Variants in NTN4 observed in about 807,000 individuals in gnomAD.
The protein encoded by NTN4 is netrin-4.
NTN4 carries 32 observed loss-of-function variants against 73.6 expected under a neutral mutation model. That is an observed-to-expected ratio of 0.44 (90% CI 0.33 to 0.58). NTN4 has a LOEUF of 0.58. Among genes scored for constraint, NTN4 ranks in the 20% least tolerant of loss-of-function variants. NTN4 has a pLI of 0.04. For missense variants in NTN4, 654 were observed against 798.3 expected (o/e 0.82, Z 2.18); for synonymous variants, 258 against 287.5 (o/e 0.90, Z 1.04).
chr12:95,790,609 G>T lies in NTN4; in HGVS notation c.-300C>A. On this transcript the variant is annotated 5_prime_UTR_variant, in exon 1 of 10. Coordinates refer to ENST00000343702, the MANE Select transcript of NTN4 (RefSeq NM_021229.4). The surrounding 1 kb of genome is among the most constrained non-coding windows in gnomAD (Gnocchi z 6.5). ...GCTGCCCCGCGGAGCGGCCCTGCGG[G>T]CTCGTCTGCCGCTAGCCCGGGGCTC... is the stretch of plus-strand genomic sequence containing the variant. 4.4e-6 allele frequency: 1 copy of T among 229,460 alleles called. No homozygotes were observed. Among genetic ancestry groups the T allele is most frequent in the Non-Finnish European group, 8.4e-6 (1 of 118,660 alleles). 14.2% of individuals were successfully genotyped at this position (229,460 alleles called of 1,614,324 possible).
At chr12:95,671,364 C>T (rs910328553) in intron 7 of NTN4, among the ~76,000 whole-genome samples, 2 of 152,028 alleles carry the variant, frequency 1.3e-5, no homozygotes, top group Non-Finnish European at 2.9e-5. Context: ...TGGTTTGTGG[C>T]CTGTTAGGAA....
At chr12:95,691,372 C>G (rs773229849) in intron 5 of NTN4, among the ~76,000 whole-genome samples, 12 of 152,198 alleles carry the variant, frequency 7.9e-5, no homozygotes, top group Non-Finnish European at 1.3e-4. Flanking sequence ...GACAGAAGTT[C>G]TTAACTTCAG....
chr12:95,764,923 C>G (rs2079010873), intron 2 of NTN4, among the ~76,000 whole-genome samples: 1 of 152,112 alleles, frequency 6.6e-6, no homozygotes, highest in African/African-American at 2.4e-5. Context: ...TGAGGAGTGC[C>G]TATCCCTAAT....
At chr12:95,670,974 ATGTATGTATGTATGTATATATT>A (rs2078224133) in intron 7 of NTN4, 1 of 151,698 alleles carries the variant, frequency 6.6e-6, no homozygotes, top group South Asian at 2.1e-4. Context: ...GTATGTATGT[ATGTATGTATGTATGTATATATT>A]TATTTATTTA....
At chr12:95,661,009 CAGCAGCT>C (rs1384400782) in intron 9 of NTN4, among the ~76,000 whole-genome samples, 4 of 152,098 alleles carry the variant, frequency 2.6e-5, no homozygotes, top group African/African-American at 9.7e-5. Context: ...TAAAAGGACA[CAGCAGCT>C]AGCAGGAAGG....
chr12:95,703,090 C>T (rs993875738), intron 5 of NTN4, among the ~76,000 whole-genome samples: 31 of 152,088 alleles, frequency 2.0e-4, no homozygotes, highest in Admixed American at 7.9e-4. Flanking sequence ...CTCCTGACCT[C>T]AGGTGATCCA....
intron 2 of NTN4, among the ~76,000 whole-genome samples, chr12:95,758,069 A>T (rs2078959831): frequency 6.6e-6 from 1 of 152,226 alleles, no homozygotes; most frequent in Non-Finnish European, 1.5e-5. Context: ...AAGTCATTAT[A>T]AGCATGTAAG....
intron 2 of NTN4, among the ~76,000 whole-genome samples, chr12:95,746,088 G>A (rs956089900): frequency 3.7e-4 from 56 of 151,954 alleles, no homozygotes; most frequent in African/African-American, 1.2e-3. Flanking sequence ...TTCTCCCTTA[G>A]CTAAGAGAGC....
chr12:95,740,030 A>G (rs905116362), intron 2 of NTN4: 1 of 152,254 alleles, frequency 6.6e-6, no homozygotes, highest in Non-Finnish European at 1.5e-5. Flanking sequence ...GCATGACACC[A>G]CAGTTGGCAC....
At chr12:95,689,775 G>A (rs2468370) in intron 5 of NTN4, among the ~76,000 whole-genome samples, 43,123 of 152,128 alleles carry the variant, frequency 0.28, 6,540 homozygotes, top group East Asian at 0.49. Flanking sequence ...TTATTCCAAT[G>A]CAGTTGAGTA....
intron 2 of NTN4, among the ~76,000 whole-genome samples, chr12:95,751,042 G>A (rs1248757019): frequency 4.0e-5 from 6 of 151,476 alleles, no homozygotes; most frequent in Non-Finnish European, 7.4e-5. Flanking sequence ...TTCATGGCTC[G>A]TTTGGCAGCA....
chr12:95,737,899 G>A lies in NTN4; in HGVS notation c.831C>T (p.Phe277=). 1 of 1,614,004 alleles carries A rather than the reference G, an allele frequency of 6.2e-7. No individual in the cohort carries two copies. Among genetic ancestry groups the A allele is most frequent in the Non-Finnish European group, 8.5e-7 (1 of 1,179,894 alleles). Residue 277 remains phenylalanine (F), a synonymous_variant, in exon 3 of 10, where the codon TTC becomes TTT. Transcript: ENST00000343702. ...ATGTTCCTGGGGCCTTGACAGGTCT[G>A]AAGCCATGAACAGGTATGCATTGAT... ...HADQCIPVHG[F]RPVKAPGTFH...
intron 2 of NTN4, among the ~76,000 whole-genome samples, chr12:95,744,363 C>T (rs1241649950): frequency 6.6e-6 from 1 of 151,954 alleles, no homozygotes; most frequent in East Asian, 1.9e-4. Context: ...TTTTTTTATC[C>T]TTTTACTTTT....
intron 3 of NTN4, among the ~76,000 whole-genome samples, chr12:95,714,083 C>G (rs932763935): frequency 6.6e-6 from 1 of 151,424 alleles, no homozygotes; most frequent in Admixed American, 6.6e-5. Context: ...TTTTTTTTTC[C>G]TCCCCATAGT....
chr12:95,749,356 G>A (rs948060609), intron 2 of NTN4, among the ~76,000 whole-genome samples: 16 of 152,128 alleles, frequency 1.1e-4, no homozygotes, highest in Admixed American at 5.9e-4. Flanking sequence ...TCTTTGCTCC[G>A]TGAGAAAGAT....
chr12:95,687,515 C>A (rs1339827678), intron 5 of NTN4, among the ~76,000 whole-genome samples: 1 of 151,750 alleles, frequency 6.6e-6, no homozygotes, highest in Non-Finnish European at 1.5e-5. Context: ...ATTCTCCTGC[C>A]TCAGCCTCCC....
intron 8 of NTN4, 86 bp from the exon 9 acceptor site, chr12:95,666,066 A>C: frequency 9.9e-7 from 1 of 1,005,302 alleles, no homozygotes; most frequent in Non-Finnish European, 1.4e-6. Context: ...TCAGAATATA[A>C]TGGAAAGGTG....
chr12:95,703,741 T>C (rs2078503432), intron 5 of NTN4, among the ~76,000 whole-genome samples: 1 of 152,210 alleles, frequency 6.6e-6, no homozygotes, highest in Non-Finnish European at 1.5e-5. Context: ...TTTCCATTTT[T>C]TCTCAGTAAA....
At chr12:95,685,971 G>A (rs1315656964) in intron 5 of NTN4, among the ~76,000 whole-genome samples, 1 of 151,646 alleles carries the variant, frequency 6.6e-6, no homozygotes, top group Non-Finnish European at 1.5e-5. Context: ...CTGCAGCCTC[G>A]ACCTCCCAGG....
Sources: gnomAD v4.1 joint callset for allele counts (sites outside exome capture counted in the v4.1 genomes callset) on GRCh38, gnomAD v4.1.1 for gene constraint, Gnocchi (gnomAD v3.1) non-coding constraint, MANE v1.5 for transcripts, NCBI Gene and HGNC (gene_info 2026-07-23, HGNC 2026-07-21) for gene names.